PTPRN2: variants seen among roughly 807,000 people sequenced by gnomAD.
The protein encoded by PTPRN2 is receptor-type tyrosine-protein phosphatase N2.
A neutral mutation model predicts 118.8 loss-of-function variants in PTPRN2; 74 were observed. The observed-to-expected ratio is 0.62, with a 90% CI of 0.52 to 0.76. The LOEUF is 0.76. Ranked by LOEUF, PTPRN2 falls within the 30% of genes least tolerant of loss-of-function variation. PTPRN2 has a pLI of 0.00. For synonymous variants in PTPRN2, 641 were observed against 608.0 expected, an observed-to-expected ratio of 1.05 and a Z score of -0.80; for missense variants, 1,481 against 1,394.4, an observed-to-expected ratio of 1.06 and a Z score of -0.99.
intron 2 of PTPRN2, among the ~76,000 whole-genome samples, chr7:158,395,220 C>A (rs937520226): frequency 6.7e-6 from 1 of 148,816 alleles, no homozygotes; most frequent in South Asian, 2.2e-4. Flanking sequence ...AGATGGCACG[C>A]AGGCGCGGTC....
chr7:158,556,601 G>C (rs1039068359), intron 1 of PTPRN2, among the ~76,000 whole-genome samples: 1 of 152,106 alleles, frequency 6.6e-6, no homozygotes, highest in African/African-American at 2.4e-5. Context: ...ATAAATAGAT[G>C]TTTGATAGGT....
intron 12 of PTPRN2, among the ~76,000 whole-genome samples, chr7:157,753,558 C>A (rs72505547): frequency 0.022 from 3,370 of 152,238 alleles, 106 homozygotes; most frequent in East Asian, 0.11. Context: ...TGGCAGTGAC[C>A]CTTCCTCCAA....
chr7:158,179,832 A>G (rs1317174010), intron 5 of PTPRN2, among the ~76,000 whole-genome samples: 1 of 152,224 alleles, frequency 6.6e-6, no homozygotes. Context: ...AACACCAAGG[A>G]GTAACTGCCC....
chr7:158,527,687 G>T (rs889927363), intron 1 of PTPRN2, among the ~76,000 whole-genome samples: 1 of 152,050 alleles, frequency 6.6e-6, no homozygotes, highest in Non-Finnish European at 1.5e-5. Flanking sequence ...TCCACTCTGT[G>T]GGGGGGTCTC....
chr7:157,734,263 GTGCC>G (rs1287986758), intron 12 of PTPRN2, among the ~76,000 whole-genome samples: 7 of 70,522 alleles, frequency 9.9e-5, no homozygotes, highest in Non-Finnish European at 2.1e-4. Context: ...TCCGTCCCAT[GTGCC>G]CAGTGCAGTC....
At chr7:157,923,875 G>C (rs921197329) in intron 11 of PTPRN2, among the ~76,000 whole-genome samples, 1 of 152,122 alleles carries the variant, frequency 6.6e-6, no homozygotes, top group Admixed American at 6.6e-5. Flanking sequence ...TTGCAAAATG[G>C]TTGCTAACAT....
At chr7:158,571,521 ATTTCTTTTTTTTTTT>A (rs1220134711) in intron 1 of PTPRN2, among the ~76,000 whole-genome samples, 1 of 119,666 alleles carries the variant, frequency 8.4e-6, no homozygotes, top group Non-Finnish European at 1.7e-5. Flanking sequence ...ACACACACCT[ATTTCTTTTTTTTTTT>A]TTTTTTTTTT....
At chr7:158,491,365 C>T (rs982910108) in intron 1 of PTPRN2, among the ~76,000 whole-genome samples, 10 of 152,224 alleles carry the variant, frequency 6.6e-5, no homozygotes, top group African/African-American at 2.2e-4. Flanking sequence ...CCACCACCAT[C>T]GCCTGCCAGC....
chr7:157,834,024 C>T (rs1014885167), intron 12 of PTPRN2, among the ~76,000 whole-genome samples: 22 of 152,202 alleles, frequency 1.4e-4, no homozygotes, highest in Admixed American at 3.9e-4. Context: ...CAACGTCCTT[C>T]GAAACTCTCT....
chr7:158,470,110 C>G (rs1334226508), intron 2 of PTPRN2, among the ~76,000 whole-genome samples: 2 of 152,304 alleles, frequency 1.3e-5, no homozygotes, highest in Non-Finnish European at 2.9e-5. Context: ...CAGGGCCTGA[C>G]ATGGTGGAAA....
intron 12 of PTPRN2, among the ~76,000 whole-genome samples, chr7:157,734,390 C>T (rs1800180654): frequency 6.6e-6 from 1 of 152,236 alleles, no homozygotes; most frequent in South Asian, 2.1e-4. Context: ...TAGGTACTGT[C>T]AATGTTTGTT....
intron 12 of PTPRN2, among the ~76,000 whole-genome samples, chr7:157,704,716 A>C (rs1303292260): frequency 6.6e-6 from 1 of 152,242 alleles, no homozygotes; most frequent in Non-Finnish European, 1.5e-5. Context: ...CTGGAGTCAG[A>C]AGCAGAATGA....
chr7:158,075,468 G>C (rs1812269603), intron 11 of PTPRN2, among the ~76,000 whole-genome samples: 1 of 152,108 alleles, frequency 6.6e-6, no homozygotes, highest in South Asian at 2.1e-4. Context: ...ACAAGCTGGG[G>C]CTGGTTCACA....
intron 1 of PTPRN2, among the ~76,000 whole-genome samples, chr7:158,557,218 C>T (rs900552352): frequency 4.0e-4 from 49 of 123,994 alleles, no homozygotes; most frequent in Admixed American, 1.2e-3. Flanking sequence ...GTCGCTCCCA[C>T]GCAGGTCAGA....
At chr7:157,982,984 C>T (rs1378026712) in intron 11 of PTPRN2, among the ~76,000 whole-genome samples, 19 of 30,812 alleles carry the variant, frequency 6.2e-4, no homozygotes, top group Admixed American at 1.2e-3. Flanking sequence ...AGGGTCCCCC[C>T]CAAACCCCGA....
chr7:157,958,157 A>G (rs1455238367), intron 11 of PTPRN2, among the ~76,000 whole-genome samples: 1 of 152,212 alleles, frequency 6.6e-6, no homozygotes, highest in Non-Finnish European at 1.5e-5. Context: ...CCATATCATC[A>G]TCTCAACTGA....
At chr7:158,072,025 C>G (rs1209353583) in intron 11 of PTPRN2, among the ~76,000 whole-genome samples, 5 of 113,936 alleles carry the variant, frequency 4.4e-5, no homozygotes, top group Admixed American at 2.7e-4. Flanking sequence ...TGGAGGTGCT[C>G]ATGGTGGAGG....
At chr7:158,086,113 G>T (rs148766453) in intron 10 of PTPRN2, among the ~76,000 whole-genome samples, 1 of 152,162 alleles carries the variant, frequency 6.6e-6, no homozygotes, top group Non-Finnish European at 1.5e-5. Context: ...TCCACCAGGC[G>T]CTCCTTACAC....
intron 11 of PTPRN2, among the ~76,000 whole-genome samples, chr7:158,063,641 C>A (rs1810527762): frequency 6.6e-6 from 1 of 152,200 alleles, no homozygotes; most frequent in African/African-American, 2.4e-5. Context: ...TGAAGGTCTG[C>A]AGCTTCACTC....
Sources: allele counts gnomAD v4.1 joint callset (sites outside exome capture counted in the v4.1 genomes callset), GRCh38; gene constraint gnomAD v4.1.1; transcripts MANE v1.5; gene names NCBI Gene and HGNC (gene_info 2026-07-23, HGNC 2026-07-21).